Variants in SLC37A3 observed in about 807,000 individuals in gnomAD.
The protein encoded by SLC37A3 is sugar phosphate exchanger 3.
In SLC37A3, 51 loss-of-function variants were observed where a neutral mutation model predicts 67.1. The observed-to-expected ratio is 0.76, with a 90% CI of 0.61 to 0.96. The LOEUF (loss-of-function observed/expected upper bound fraction) is 0.96, where lower values mean the gene tolerates loss of function less well. SLC37A3 is among the 40% of genes least tolerant of loss of function. The probability of loss-of-function intolerance (pLI) is 0.00; values close to 1 mark genes in which losing one functional copy is unlikely to be tolerated. For synonymous variants in SLC37A3, 214 were observed against 231.4 expected (o/e 0.92, Z 0.68); for missense variants, 508 against 603.0 (o/e 0.84, Z 1.65).
In SLC37A3 at chr7:140,342,960, G is replaced by A. The variant is rs143920850; in HGVS notation, c.1326+452C>T. On this transcript the variant is annotated intron_variant, in intron 13 of 14. Coordinates refer to ENST00000326232, the MANE Select transcript of SLC37A3 (RefSeq NM_207113.3). The stretch of plus-strand genomic sequence containing the variant: ...CGAGTGATTCAGAAGCAGCTGCAGA[G>A]TCCATGGCCATGTCTGGCGGGGCCC... Among the ~76,000 whole-genome samples the A allele has an allele frequency of 1.6e-3, 238 of 152,324 alleles. 1 individual carries two copies. Among genetic ancestry groups the A allele is most frequent in the African/African-American group, 5.6e-3 (231 of 41,574 alleles).
chr7:140,365,656 G>A (rs1797567604), intron 4 of SLC37A3, among the ~76,000 whole-genome samples: 1 of 152,126 alleles, frequency 6.6e-6, no homozygotes, highest in Non-Finnish European at 1.5e-5. Flanking sequence ...AGGAAGCGGG[G>A]CTTGCAGTCA....
In SLC37A3 at chr7:140,382,358, C is replaced by T. The variant is rs1407204179; in HGVS notation, c.89+80G>A. ...CATTATAAGTGTATGCCCATCAGTGCATTTGACACTTGCCATGCAATATCT... is the reference window on the plus strand; with the variant it reads ...CATTATAAGTGTATGCCCATCAGTGTATTTGACACTTGCCATGCAATATCT... On this transcript the variant is annotated intron_variant, in intron 2 of 14. Transcript: ENST00000326232. 4.4e-6 allele frequency: 5 copies of T among 1,137,022 alleles called. No individual in the cohort carries two copies. In the Admixed American group the frequency reaches 9.2e-5, roughly 21 times the overall value. 70.4% of individuals were successfully genotyped at this position (1,137,022 alleles called of 1,614,324 possible).
chr7:140,396,878 TTC>T (rs1193065435), intron 1 of SLC37A3, among the ~76,000 whole-genome samples: 2 of 136,356 alleles, frequency 1.5e-5, no homozygotes, highest in South Asian at 2.4e-4. Context: ...GAATCTCAAT[TTC>T]TGTTTTTTTT....
At chr7:140,361,455 C>T (rs555977447) in intron 5 of SLC37A3, among the ~76,000 whole-genome samples, 45 of 144,966 alleles carry the variant, frequency 3.1e-4, no homozygotes, top group Admixed American at 5.1e-4. Flanking sequence ...CCACTCCAGC[C>T]TGGGCAACAA....
intron 5 of SLC37A3, 90 bp downstream of exon 5, chr7:140,364,318 C>T (rs1797510719): frequency 8.4e-7 from 1 of 1,196,058 alleles, no homozygotes; most frequent in Non-Finnish European, 1.2e-6. Flanking sequence ...GAGGATTAAT[C>T]TTACTATTCT....
intron 5 of SLC37A3, 137 bp downstream of exon 5, chr7:140,364,271 C>T (rs1797509117): frequency 1.3e-6 from 1 of 757,440 alleles, no homozygotes; most frequent in Non-Finnish European, 2.0e-6. Context: ...AAAAAAGACT[C>T]ATCTAAGTGA....
intron 6 of SLC37A3, among the ~76,000 whole-genome samples, chr7:140,357,779 T>C (rs1433980089): frequency 6.6e-6 from 1 of 151,478 alleles, no homozygotes; most frequent in Non-Finnish European, 1.5e-5. Flanking sequence ...TAGCCAGGTG[T>C]GGGGGCACAT....
At chr7:140,349,689 C>T (rs975578039) in intron 9 of SLC37A3, among the ~76,000 whole-genome samples, 2 of 152,164 alleles carry the variant, frequency 1.3e-5, no homozygotes, top group Non-Finnish European at 2.9e-5. Flanking sequence ...ATCCCAATCA[C>T]GAGTGCATTC....
chr7:140,379,695 C>T (rs1254316189), intron 3 of SLC37A3, among the ~76,000 whole-genome samples: 1 of 151,422 alleles, frequency 6.6e-6, no homozygotes, highest in Non-Finnish European at 1.5e-5. Context: ...GAGTTCAAGA[C>T]CAGCCTGGGC....
chr7:140,338,479 C>CA (rs2117008255), intron 13 of SLC37A3, among the ~76,000 whole-genome samples: 1 of 150,160 alleles, frequency 6.7e-6, no homozygotes, highest in South Asian at 2.1e-4. Flanking sequence ...AACTTCACTC[C>CA]TTTTTTTTTG....
At chr7:140,376,032 AG>A (rs1300421018) in intron 3 of SLC37A3, among the ~76,000 whole-genome samples, 21 of 152,314 alleles carry the variant, frequency 1.4e-4, no homozygotes, top group African/African-American at 4.1e-4. Flanking sequence ...GCTAGAGACA[AG>A]GAACTTAAGC....
intron 1 of SLC37A3, among the ~76,000 whole-genome samples, chr7:140,386,241 T>C (rs985889758): frequency 1.3e-5 from 2 of 152,068 alleles, no homozygotes; most frequent in African/African-American, 2.4e-5. Context: ...AGCTTATTTT[T>C]TGTATTTATG....
At chr7:140,384,019 C>A (rs1425225667) in intron 1 of SLC37A3, among the ~76,000 whole-genome samples, 1 of 152,068 alleles carries the variant, frequency 6.6e-6, no homozygotes, top group East Asian at 1.9e-4. Context: ...AAAGCTGCAC[C>A]CATGCTCTGA....
intron 4 of SLC37A3, among the ~76,000 whole-genome samples, chr7:140,368,157 C>T (rs1797679580): frequency 6.6e-6 from 1 of 152,090 alleles, no homozygotes; most frequent in African/African-American, 2.4e-5. Flanking sequence ...GCCCATTCCT[C>T]ACCCACCTCT....
Position 140,369,624 on chromosome 7 carries a change from G to A in SLC37A3, c.257C>T (p.Thr86Ile). 6.2e-7 allele frequency: 1 copy of A among 1,614,040 alleles called. No homozygotes were observed. Residue 86 changes from threonine (T) to isoleucine (I), a missense_variant, in exon 4 of 15, where the codon ACA (threonine) becomes ATA (isoleucine). By Grantham distance (89) the Thr-to-Ile change is moderately conservative. Coordinates refer to ENST00000326232, the MANE Select transcript of SLC37A3 (RefSeq NM_207113.3). ...SAEKATLFLG[T>I]LDTIFLFSYA... Reference sequence around the variant, plus strand: ...GGAGAAGAGGAAAATGGTATCCAGTGTGCCGAGGAAAAGAGTCGCTTTCTC... The same window carrying A: ...GGAGAAGAGGAAAATGGTATCCAGTATGCCGAGGAAAAGAGTCGCTTTCTC...
At chr7:140,351,960 C>T (rs1796820639) in intron 8 of SLC37A3, 102 bp downstream of exon 8, 1 of 1,192,878 alleles carries the variant, frequency 8.4e-7, no homozygotes, top group Non-Finnish European at 1.2e-6. Context: ...AAAAGGAGCT[C>T]AGAGTTTTCC....
intron 5 of SLC37A3, 68 bp from the exon 6 acceptor site, chr7:140,358,853 C>T (rs1350230948): frequency 3.1e-6 from 5 of 1,588,178 alleles, no homozygotes; most frequent in African/African-American, 1.3e-5. Context: ...CGCCACTCTA[C>T]CCACTTGCTT....
chr7:140,351,222 T>C (rs1796780327), intron 9 of SLC37A3, 51 bp downstream of exon 9: 1 of 1,550,926 alleles, frequency 6.4e-7, no homozygotes, highest in South Asian at 1.2e-5. Flanking sequence ...AGAGGAGATG[T>C]CACGGGCTCT....
At chr7:140,369,158 C>T (rs998059126) in intron 4 of SLC37A3, among the ~76,000 whole-genome samples, 5 of 152,208 alleles carry the variant, frequency 3.3e-5, no homozygotes, top group African/African-American at 1.2e-4. Context: ...CTCAGGTCTT[C>T]ACTCAAATGC....
Sources: allele counts gnomAD v4.1 joint callset (sites outside exome capture counted in the v4.1 genomes callset), GRCh38; gene constraint gnomAD v4.1.1; transcripts MANE v1.5; gene names NCBI Gene and HGNC (gene_info 2026-07-23, HGNC 2026-07-21).